Variants in RAD50 observed in about 807,000 individuals in gnomAD.
The protein encoded by RAD50 is RAD50 double strand break repair protein.
Under a neutral mutation model 168.8 loss-of-function variants are expected in RAD50, and 132 were observed. The observed-to-expected ratio is 0.78, with a 90% CI of 0.68 to 0.90. RAD50 has a LOEUF of 0.90. RAD50 is among the 40% of genes least tolerant of loss of function. RAD50 has a pLI of 0.00. For missense variants in RAD50, 1,347 were observed against 1,534.4 expected (o/e 0.88, Z 2.04); for synonymous variants, 525 against 497.4 (o/e 1.06, Z -0.74).
chr5:132,599,441 G>A (rs538463697), intron 13 of RAD50, among the ~76,000 whole-genome samples: 50 of 152,328 alleles, frequency 3.3e-4, no homozygotes, highest in African/African-American at 1.2e-3. Flanking sequence ...AGAAGGATGA[G>A]TTTGGGACAA....
chr5:132,578,727 C>T (rs1272960498), intron 3 of RAD50, among the ~76,000 whole-genome samples: 6 of 151,826 alleles, frequency 4.0e-5, no homozygotes, highest in African/African-American at 1.5e-4. Context: ...CAGGGTTTCA[C>T]CATGTTAGTC....
intron 19 of RAD50, among the ~76,000 whole-genome samples, chr5:132,612,423 T>A (rs1333694075): frequency 6.6e-6 from 1 of 152,220 alleles, no homozygotes; most frequent in Non-Finnish European, 1.5e-5. Context: ...TGGATAGTGG[T>A]GATGGTTGTA....
At chr5:132,627,071 A>G (rs978691351) in intron 21 of RAD50, among the ~76,000 whole-genome samples, 13 of 152,106 alleles carry the variant, frequency 8.5e-5, no homozygotes, top group Non-Finnish European at 1.6e-4. Context: ...AGTAGAAACG[A>G]GGTTTCGCCA....
chr5:132,611,424 A>G (rs917954747), intron 19 of RAD50, among the ~76,000 whole-genome samples: 8 of 143,352 alleles, frequency 5.6e-5, no homozygotes, highest in African/African-American at 2.1e-4. Flanking sequence ...AAACAAAAAC[A>G]GCCAGGCGTG....
intron 2 of RAD50, among the ~76,000 whole-genome samples, chr5:132,564,322 G>A (rs1442069004): frequency 1.8e-4 from 27 of 152,194 alleles, no homozygotes. Flanking sequence ...GGAGGTCTCA[G>A]ATGGAGATAA....
intron 23 of RAD50, among the ~76,000 whole-genome samples, chr5:132,639,531 A>T (rs1751671686): frequency 6.6e-6 from 1 of 152,248 alleles, no homozygotes; most frequent in Non-Finnish European, 1.5e-5. Flanking sequence ...AGTGGTAATT[A>T]TAAATGAGAA....
chr5:132,589,657 GAAACAAAA>G lies in RAD50; in HGVS notation c.1274_1281del (p.Lys425ThrfsTer4). On this transcript the variant is annotated frameshift_variant, in exon 9 of 25. Transcript: ENST00000378823. LOFTEE classifies it high-confidence loss of function. The stretch of plus-strand genomic sequence containing the variant: ...ATGACTTTGCAGAAAAAGAGACTCT[GAAACAAAA>G]ACAGATAGATGAGATAAGAGATAAG... 1 of 1,599,720 alleles carries G rather than the reference GAAACAAAA, an allele frequency of 6.3e-7. No individual in the cohort carries two copies. Among genetic ancestry groups the G allele is most frequent in the Non-Finnish European group, 8.5e-7 (1 of 1,173,924 alleles).
rs746720086 is a variant in RAD50, at chr5:132,608,738, T to A, written c.2829+13T>A. On this transcript the variant is annotated intron_variant, in intron 17 of 24. Transcript: ENST00000378823. ...AGCACAGGATAAAGTAAGATTTCAT[T>A]TATATATTTACTTATCAAATATCTG... The A allele has an allele frequency of 1.3e-5, 20 of 1,563,542 alleles. No homozygotes were observed. The African/African-American group carries it at 2.2e-4, about 17-fold the overall frequency.
intron 13 of RAD50, among the ~76,000 whole-genome samples, chr5:132,599,029 A>C (rs1279237338): frequency 6.6e-6 from 1 of 152,196 alleles, no homozygotes; most frequent in Non-Finnish European, 1.5e-5. Context: ...AGGCAACCAC[A>C]CATTTGTATA....
At chr5:132,623,779 A>G (rs1232827694) in intron 21 of RAD50, among the ~76,000 whole-genome samples, 1 of 152,186 alleles carries the variant, frequency 6.6e-6, no homozygotes, top group Non-Finnish European at 1.5e-5. Context: ...TTCTCTTCTA[A>G]GACTTCTGGT....
At position 132,578,055 on chromosome 5, in the gene RAD50, C is replaced by T. The variant is rs188438256; in HGVS notation, c.366-1262C>T. On this transcript the variant is annotated intron_variant, in intron 3 of 24. Transcript: ENST00000378823. ...GTCTTGATCTCTTGACCTCGTGATC[C>T]GCCCACCTCAGCCTCCCAAAGTGCT... 3.5e-3 allele frequency among the ~76,000 whole-genome samples: 537 copies of T among 152,154 alleles called. 6 individuals are homozygous for T. The highest frequency in any genetic ancestry group is 0.012 in the African/African-American group (511 of 41,512).
chr5:132,643,958 TCA>T lies in RAD50; in HGVS notation c.*1597_*1598del, dbSNP rs75929455. On this transcript the variant is annotated 3_prime_UTR_variant, in exon 25 of 25. Transcript: ENST00000378823. ...TCAACATCTCCTAGCTTTAGCAAAC[TCA>T]CAGTTTTGCAAATAATATTTTCTTA... 0.035 allele frequency: 8,022 copies of T among 229,044 alleles called. 496 individuals carry two copies. Among genetic ancestry groups the T allele is most frequent in the East Asian group, 0.21 (3,292 of 15,912 alleles). 14.2% of individuals were successfully genotyped at this position (229,044 alleles called of 1,614,324 possible).
intron 21 of RAD50, among the ~76,000 whole-genome samples, chr5:132,626,530 G>A (rs1751375034): frequency 6.6e-6 from 1 of 152,112 alleles, no homozygotes; most frequent in South Asian, 2.1e-4. Flanking sequence ...AGGCGATTTA[G>A]TCCAGCTTCC....
rs1751799819 is a variant in RAD50, at chr5:132,644,080, C to T, written c.*1716C>T. On this transcript the variant is annotated 3_prime_UTR_variant, in exon 25 of 25. Transcript: ENST00000378823. ...ATTAAAGCCAGTTACCTTCTATCAA[C>T]ATGTTAATGAAAGTGCTAGTTGTTG... is the stretch of plus-strand genomic sequence containing the variant. 9.9e-6 allele frequency: 2 copies of T among 201,326 alleles called. No individual in the cohort carries two copies. The allele number at this position is 201,326 out of a possible 1,614,324, so 12.5% of individuals were successfully genotyped here.
intron 21 of RAD50, among the ~76,000 whole-genome samples, chr5:132,627,150 G>C (rs1343622990): frequency 6.6e-6 from 1 of 152,008 alleles, no homozygotes; most frequent in East Asian, 1.9e-4. Context: ...CAAAGTGCTG[G>C]GATTACGGGC....
At chr5:132,639,390 T>C (rs945357642) in intron 23 of RAD50, among the ~76,000 whole-genome samples, 1 of 151,042 alleles carries the variant, frequency 6.6e-6, no homozygotes, top group Non-Finnish European at 1.5e-5. Flanking sequence ...CATGCATATA[T>C]GTATTATGTT....
intron 3 of RAD50, among the ~76,000 whole-genome samples, chr5:132,577,753 A>G (rs1464248533): frequency 6.7e-6 from 1 of 149,732 alleles, no homozygotes; most frequent in Non-Finnish European, 1.5e-5. Flanking sequence ...TCTCCAAACC[A>G]GACCTCTGTT....
At chr5:132,619,491 C>G (rs1160540815) in intron 21 of RAD50, among the ~76,000 whole-genome samples, 1 of 152,128 alleles carries the variant, frequency 6.6e-6, no homozygotes, top group South Asian at 2.1e-4. Flanking sequence ...CCTCAAACTC[C>G]TGGGCTCAGG....
intron 16 of RAD50, 124 bp from the exon 17 acceptor site, chr5:132,608,488 AAGG>A (rs1465629553): frequency 1.3e-6 from 1 of 742,298 alleles, no homozygotes; most frequent in African/African-American, 1.8e-5. Context: ...GGGTCATTGA[AAGG>A]AGCAAATGAG....
Sources: allele counts gnomAD v4.1 joint callset (sites outside exome capture counted in the v4.1 genomes callset), GRCh38; gene constraint gnomAD v4.1.1; transcripts MANE v1.5; gene names NCBI Gene and HGNC (gene_info 2026-07-23, HGNC 2026-07-21).